WNT10B: variants seen among roughly 807,000 people sequenced by gnomAD.
WNT10B encodes the protein protein Wnt-10b.
Under a neutral mutation model 32.7 loss-of-function variants are expected in WNT10B, and 26 were observed. That is an observed-to-expected ratio of 0.79 (90% CI 0.58 to 1.10). The LOEUF is 1.10. WNT10B is among the 50% of genes least tolerant of loss of function. The probability of loss-of-function intolerance (pLI) is 0.00; values close to 1 mark genes in which losing one functional copy is unlikely to be tolerated. For missense variants in WNT10B, 474 were observed against 532.5 expected (o/e 0.89, Z 1.08); for synonymous variants, 204 against 220.4 (o/e 0.93, Z 0.66).
intron 3 of WNT10B, chr12:48,969,144 C>A: frequency 2.1e-6 from 1 of 470,728 alleles, no homozygotes; most frequent in South Asian, 1.5e-5. Context: ...TACACCAGGC[C>A]CTGTGGGGAA....
Position 48,966,206 on chromosome 12 carries a change from G to A in WNT10B, c.1059C>T (p.His353=), listed in dbSNP as rs1051886. 0.37 allele frequency: 597,171 copies of A among 1,613,570 alleles called. 115,210 individuals carry two copies. The highest frequency in any genetic ancestry group is 0.52 in the Admixed American group (31,321 of 59,988). ...GCGSLCCGRG[H]NVLRQTRVER... ...CAACTCGTGTCTGCCGGAGCACGTT[G>A]TGCCCACGGCCACAGCACAGGCTGC... The change falls in exon 5 of 5, where the codon CAC becomes CAT. Residue 353 remains histidine (H), a synonymous_variant. Transcript: ENST00000301061.
At chr12:48,968,795 T>G (rs1167057148) in intron 3 of WNT10B, among the ~76,000 whole-genome samples, 2 of 151,796 alleles carry the variant, frequency 1.3e-5, no homozygotes, top group African/African-American at 2.4e-5. Flanking sequence ...TTTGTTTTTT[T>G]TTTTTTAAAT....
Position 48,966,429 on chromosome 12 carries a change from A to G in WNT10B, c.836T>C (p.Leu279Pro), listed in dbSNP as rs1449966362. ...GGTATCAATGAAGATGGCCCGGCCCAGCCGCTCCCTCAACGCCGCCCCCAC... is the reference window on the plus strand; with the variant it reads ...GGTATCAATGAAGATGGCCCGGCCCGGCCGCTCCCTCAACGCCGCCCCCAC... ...RAVGAALRER[L>P]GRAIFIDTHN... Residue 279 changes from leucine to proline, a missense_variant, in exon 5 of 5, where the codon CTG (leucine) becomes CCG (proline). By Grantham distance (98) the Leu-to-Pro change is moderately conservative (BLOSUM62 -3). Coordinates refer to ENST00000301061, the MANE Select transcript of WNT10B (RefSeq NM_003394.4). 5 of 1,613,940 alleles carry G rather than the reference A, an allele frequency of 3.1e-6. No individual in the cohort carries two copies. Among genetic ancestry groups the G allele is most frequent in the Non-Finnish European group, 4.2e-6 (5 of 1,180,064 alleles).
Position 48,968,328 on chromosome 12 carries a change from G to A in WNT10B, c.338-9C>T, listed in dbSNP as rs2137613090. ...AGCACTTTCTCGGAAACCTGGGGAT[G>A]AGAAGGGTGTGATGGTGGAGGTAAG... On this transcript the variant is annotated splice_polypyrimidine_tract_variant and intron_variant, in intron 3 of 4. Transcript: ENST00000301061. 1 of 1,600,028 alleles carries A rather than the reference G, an allele frequency of 6.2e-7. No homozygotes were observed. Among genetic ancestry groups the A allele is most frequent in the Middle Eastern group, 1.7e-4 (1 of 6,060 alleles).
In WNT10B at chr12:48,970,456, C is replaced by T. The variant is rs761556530; in HGVS notation, c.74G>A (p.Arg25Gln). 6 of 1,613,328 alleles carry T rather than the reference C, an allele frequency of 3.7e-6. No individual in the cohort carries two copies. In the Admixed American group the frequency reaches 6.7e-5, roughly 18 times the overall value. The change falls in exon 2 of 5, where the codon CGG becomes CAG. Residue 25 changes from arginine (R) to glutamine (Q), a missense_variant and splice_region_variant. Transcript: ENST00000301061. This position sits in a 1 kb window ranked among gnomAD's most constrained non-coding sequence, Gnocchi z 5.0. Reference sequence around the variant, plus strand: ...CTGGGAGACAAGGGGAACTGCTCACCGACTGCACAACGCCAGGAACAGGAG... The same window carrying T: ...CTGGGAGACAAGGGGAACTGCTCACTGACTGCACAACGCCAGGAACAGGAG... ...AGLLFLALCS[R>Q]ALSNEILGLK... is the part of the protein sequence containing the mutation.
rs763548858 is a variant in WNT10B at position 48,968,195 on chromosome 12, C to CTGCT, written c.458_461dup (p.Asp155AlafsTer47). On this transcript the variant is annotated frameshift_variant, in exon 4 of 5. Coordinates refer to ENST00000301061, the MANE Select transcript of WNT10B (RefSeq NM_003394.4). LOFTEE classifies it high-confidence loss of function. The stretch of plus-strand genomic sequence containing the variant: ...GCAGCAGTTTGGCCCTCAGCCGATC[C>CTGCT]TGCTCACCACTGCCCTTCCAGCCAC... 1 of 1,613,572 alleles carries CTGCT rather than the reference C, an allele frequency of 6.2e-7. No individual in the cohort carries two copies. The highest frequency in any genetic ancestry group is 8.5e-7 in the Non-Finnish European group (1 of 1,180,056).
chr12:48,971,472 C>T lies in WNT10B; in HGVS notation c.-58G>A, dbSNP rs1246320309. The T allele has an allele frequency of 1.3e-5, 2 of 152,426 alleles. No homozygotes were observed. Among genetic ancestry groups the T allele is most frequent in the East Asian group, 1.9e-4 (1 of 5,188 alleles). The allele number at this position is 152,426 out of a possible 1,614,324, so 9.4% of individuals were successfully genotyped here. A position where few individuals can be genotyped will look rare whatever the true frequency, so the allele number is the denominator to read the frequency against. On this transcript the variant is annotated 5_prime_UTR_variant, in exon 1 of 5. Transcript: ENST00000301061. The stretch of plus-strand genomic sequence containing the variant: ...CTAATTACCTCCAGTGGTTTGGGTG[C>T]GGGGTCCGAGACAGGCACGGTTGGG...
In WNT10B at chr12:48,970,225, G is replaced by T. The variant is rs1940826750; in HGVS notation, c.201C>A (p.Asp67Glu). The change falls in exon 3 of 5, where the codon GAC becomes GAA. Residue 67 changes from aspartate to glutamate, a missense_variant. Coordinates refer to ENST00000301061, the MANE Select transcript of WNT10B (RefSeq NM_003394.4). This position sits in a 1 kb window ranked among gnomAD's most constrained non-coding sequence, Gnocchi z 5.0. The part of the protein sequence containing the change: ...RQLGLCLRNP[D>E]VTASALQGLH... ...GACCCTGAAGCGCGGACGCCGTCAC[G>T]TCGGGGTTGCGCAGGCACAGGCCTA... The T allele has an allele frequency of 6.2e-7, 1 of 1,606,056 alleles. No homozygotes were observed. Among genetic ancestry groups the T allele is most frequent in the South Asian group, 1.1e-5 (1 of 89,898 alleles).
intron 3 of WNT10B, among the ~76,000 whole-genome samples, chr12:48,969,541 C>A (rs1171632411): frequency 6.6e-6 from 1 of 151,576 alleles, no homozygotes; most frequent in East Asian, 1.9e-4. Context: ...GTGAGCAACA[C>A]CTGGAGCCCC....
At position 48,970,600 on chromosome 12, in the gene WNT10B, G is replaced by A. The variant is rs1940837073; in HGVS notation, c.-40-31C>T. ...GGACGGGAGACTTGATGCGGGTTCA[G>A]GAATAGGGCGGCTCGCTTGGGGAAC... On this transcript the variant is annotated intron_variant, in intron 1 of 4. Coordinates refer to ENST00000301061, the MANE Select transcript of WNT10B (RefSeq NM_003394.4). This position sits in a 1 kb window ranked among gnomAD's most constrained non-coding sequence, Gnocchi z 5.0. The A allele has an allele frequency of 5.9e-6, 9 of 1,524,376 alleles. No homozygotes were observed. The highest frequency in any genetic ancestry group is 8.0e-6 in the Non-Finnish European group (9 of 1,124,332). The allele number at this position is 1,524,376 out of a possible 1,614,324, so 94.4% of individuals were successfully genotyped here.
At chr12:48,969,734 G>T (rs532583850) in intron 3 of WNT10B, among the ~76,000 whole-genome samples, 1 of 151,846 alleles carries the variant, frequency 6.6e-6, no homozygotes, top group Admixed American at 6.6e-5. Flanking sequence ...AGCCAAGATG[G>T]GGGGAGAGAA....
chr12:48,967,847 G>A, intron 4 of WNT10B, 99 bp downstream of exon 4: 5 of 1,501,958 alleles, frequency 3.3e-6, no homozygotes, highest in Non-Finnish European at 4.5e-6. Flanking sequence ...GTGAGTGTCA[G>A]TCACTCATCA....
Position 48,966,226 on chromosome 12 carries a change from G to A in WNT10B, c.1039C>T (p.Leu347=), listed in dbSNP as rs1940728664. ...ACGTTGTGCCCACGGCCACAGCACAGGCTGCCACAGCCATCCAACAGGCGG... is the reference window on the plus strand; with the variant it reads ...ACGTTGTGCCCACGGCCACAGCACAAGCTGCCACAGCCATCCAACAGGCGG... ...TSRLLDGCGS[L]CCGRGHNVLR... The change falls in exon 5 of 5, where the codon CTG becomes TTG. Residue 347 remains leucine (L), a synonymous_variant. Transcript: ENST00000301061. 6.2e-7 allele frequency: 1 copy of A among 1,614,114 alleles called. No homozygotes were observed.
Position 48,965,818 on chromosome 12 carries a change from G to T in WNT10B, c.*277C>A. The T allele has an allele frequency of 2.1e-6, 1 of 478,778 alleles. No individual in the cohort carries two copies. Among genetic ancestry groups the T allele is most frequent in the Non-Finnish European group, 3.8e-6 (1 of 262,808 alleles). 29.7% of individuals were successfully genotyped at this position (478,778 alleles called of 1,614,324 possible). ...GTTAAAGGGGCTCTGGAGTTGAGAA[G>T]TGGGAGGAGCAATACAGTGCATTTC... On this transcript the variant is annotated 3_prime_UTR_variant, in exon 5 of 5. Transcript: ENST00000301061.
rs1384602795 is a variant in WNT10B at position 48,965,466 on chromosome 12, C to T, written c.*629G>A. On this transcript the variant is annotated 3_prime_UTR_variant, in exon 5 of 5. Coordinates refer to ENST00000301061, the MANE Select transcript of WNT10B (RefSeq NM_003394.4). ...GGCTCCAAGAGTCATGGGAAAACCC[C>T]TTCCTTTGGAGGGTCCCCATTAACA... The T allele has an allele frequency of 6.5e-6, 1 of 152,748 alleles. No individual in the cohort carries two copies. The highest frequency in any genetic ancestry group is 6.5e-5 in the Admixed American group (1 of 15,282). The allele number at this position is 152,748 out of a possible 1,614,324, so 9.5% of individuals were successfully genotyped here. A position where few individuals can be genotyped will look rare whatever the true frequency, so the allele number is the denominator to read the frequency against.
At chr12:48,966,858 T>C (rs1172409954) in intron 4 of WNT10B, among the ~76,000 whole-genome samples, 1 of 152,218 alleles carries the variant, frequency 6.6e-6, no homozygotes, top group Admixed American at 6.5e-5. Flanking sequence ...TAAGCACTTA[T>C]AAAATTGGGA....
In WNT10B at chr12:48,970,114, C is replaced by G; in HGVS notation, c.312G>C (p.Pro104=). Residue 104 remains proline, a synonymous_variant, in exon 3 of 5, where the codon CCG becomes CCC. Coordinates refer to ENST00000301061, the MANE Select transcript of WNT10B (RefSeq NM_003394.4). The surrounding 1 kb of genome is among the most constrained non-coding windows in gnomAD (Gnocchi z 5.0). ...CGCGCTTGAGGATGGCGCTGTGGTGCGGCAGGCGGCCGCCGCCCTCAAGCG... is the reference window on the plus strand; with the variant it reads ...CGCGCTTGAGGATGGCGCTGTGGTGGGGCAGGCGGCCGCCGCCCTCAAGCG... ...CSALEGGGRL[P]HHSAILKRGF... The G allele has an allele frequency of 2.6e-6, 4 of 1,526,930 alleles. No individual in the cohort carries two copies. The highest frequency in any genetic ancestry group is 3.5e-6 in the Non-Finnish European group (4 of 1,140,830). The allele number at this position is 1,526,930 out of a possible 1,614,324, so 94.6% of individuals were successfully genotyped here. A position where few individuals can be genotyped will look rare whatever the true frequency, so the allele number is the denominator to read the frequency against.
At chr12:48,968,876 C>G (rs1565716906) in intron 3 of WNT10B, among the ~76,000 whole-genome samples, 1 of 152,162 alleles carries the variant, frequency 6.6e-6, no homozygotes, top group East Asian at 1.9e-4. Context: ...AGCACTGGAG[C>G]TATGGAGCTG....
chr12:48,969,747 T>G (rs1940810799), intron 3 of WNT10B, among the ~76,000 whole-genome samples: 2 of 144,882 alleles, frequency 1.4e-5, no homozygotes, highest in African/African-American at 2.6e-5. Context: ...GGAGAGAAAA[T>G]GGTGGAGGGA....
Sources: gnomAD v4.1 joint callset for allele counts (sites outside exome capture counted in the v4.1 genomes callset) on GRCh38, gnomAD v4.1.1 for gene constraint, Gnocchi (gnomAD v3.1) non-coding constraint, MANE v1.5 for transcripts, NCBI Gene and HGNC (gene_info 2026-07-23, HGNC 2026-07-21) for gene names.